The following TYRO3 variants were observed in gnomAD, a reference collection of about 807,000 sequenced individuals.
TYRO3 encodes tyrosine-protein kinase receptor TYRO3.
TYRO3 carries 38 observed loss-of-function variants against 95.2 expected under a neutral mutation model. The observed-to-expected ratio is 0.40, with a 90% confidence interval of 0.31 to 0.52. The LOEUF is 0.52. Ranked by LOEUF, TYRO3 falls within the 20% of genes least tolerant of loss-of-function variation. The pLI is 0.56. For synonymous variants in TYRO3, 367 were observed against 432.9 expected, an observed-to-expected ratio of 0.85 and a Z score of 1.89; for missense variants, 812 against 1,116.4, an observed-to-expected ratio of 0.73 and a Z score of 3.89.
rs139291400 is a variant in TYRO3, at chr15:41,569,016, C to T, written c.1246C>T (p.Arg416Cys). ...SQPLVVSSHD[R>C]AGQQGPPHSR... is the part of the protein sequence containing the mutation. The stretch of plus-strand genomic sequence containing the variant: ...GCCACTGGTGGTCTCTTCTCATGAC[C>T]GTGCAGGTGAGGCTTGTAGGTGGAG... Residue 416 changes from arginine (R) to cysteine (C), a missense_variant, in exon 9 of 19, where the codon CGT becomes TGT. Coordinates refer to ENST00000263798, the MANE Select transcript of TYRO3 (RefSeq NM_006293.4). 850 of 1,613,806 alleles carry T rather than the reference C, an allele frequency of 5.3e-4. No homozygotes were observed. Among genetic ancestry groups the T allele is most frequent in the Non-Finnish European group, 6.4e-4 (750 of 1,180,010 alleles).
intron 7 of TYRO3, 68 bp from the exon 8 acceptor site, chr15:41,568,149 A>G (rs987010664): frequency 3.8e-6 from 6 of 1,592,686 alleles, no homozygotes; most frequent in Non-Finnish European, 5.1e-6. Flanking sequence ...GTTGATTCCA[A>G]AGGTCTGCAT....
chr15:41,577,063 G>A (rs961526072), intron 18 of TYRO3, among the ~76,000 whole-genome samples: 3 of 152,184 alleles, frequency 2.0e-5, no homozygotes, highest in South Asian at 4.2e-4. Flanking sequence ...CACTTTCCAC[G>A]TGTGTGACTT....
intron 4 of TYRO3, 144 bp downstream of exon 4, chr15:41,562,862 C>CT (rs1373048102): frequency 4.8e-6 from 4 of 828,278 alleles, no homozygotes; most frequent in Non-Finnish European, 7.4e-6. Context: ...TGCACCATTA[C>CT]TAAGCTCATT....
In TYRO3 at chr15:41,568,970, T is replaced by C; in HGVS notation, c.1200T>C (p.Val400=). Residue 400 remains valine, a synonymous_variant, in exon 9 of 19, where the codon GTT becomes GTC. Coordinates refer to ENST00000263798, the MANE Select transcript of TYRO3 (RefSeq NM_006293.4). ...LIVRVCVSNA[V]GCGPWSQPLV... ...TACGTGTGTGCGTCTCCAATGCAGT[T>C]GGCTGTGGACCCTGGAGTCAGCCAC... The C allele has an allele frequency of 6.2e-7, 1 of 1,614,148 alleles. No homozygotes were observed. Among genetic ancestry groups the C allele is most frequent in the East Asian group, 2.2e-5 (1 of 44,882 alleles).
At chr15:41,563,024 A>C (rs528849725) in intron 4 of TYRO3, among the ~76,000 whole-genome samples, 137 of 152,144 alleles carry the variant, frequency 9.0e-4, no homozygotes, top group African/African-American at 3.2e-3. Flanking sequence ...AGGGGCACCC[A>C]TCCCCCACCC....
At chr15:41,559,568 C>A (rs141669463) in intron 1 of TYRO3, among the ~76,000 whole-genome samples, 187 bp downstream of exon 1, 1 of 152,178 alleles carries the variant, frequency 6.6e-6, no homozygotes, top group Non-Finnish European at 1.5e-5. Flanking sequence ...CGGGCCCCCA[C>A]CCCCAACTTT....
chr15:41,560,427 G>GTA (rs758261624), intron 1 of TYRO3, among the ~76,000 whole-genome samples: 2 of 141,848 alleles, frequency 1.4e-5, no homozygotes, highest in East Asian at 3.9e-4. Flanking sequence ...GTGTGTGTGT[G>GTA]TGCGCGCGCG....
At chr15:41,560,428 T>TGTGTGTGCGTGTGCGCGC (rs1408766845) in intron 1 of TYRO3, among the ~76,000 whole-genome samples, 1 of 135,256 alleles carries the variant, frequency 7.4e-6, no homozygotes, top group African/African-American at 3.0e-5. Context: ...TGTGTGTGTG[T>TGTGTGTGCGTGTGCGCGC]GCGCGCGCGC....
intron 15 of TYRO3, 147 bp downstream of exon 15, chr15:41,572,711 T>A: frequency 9.2e-7 from 1 of 1,088,344 alleles, no homozygotes; most frequent in Non-Finnish European, 1.3e-6. Flanking sequence ...TGAATCCTTT[T>A]AATCTAGCAG....
At chr15:41,562,931 T>C (rs1483971821) in intron 4 of TYRO3, among the ~76,000 whole-genome samples, 2 of 152,124 alleles carry the variant, frequency 1.3e-5, no homozygotes, top group Non-Finnish European at 2.9e-5. Flanking sequence ...CTGTGTGTGC[T>C]TAAGGAGGGT....
At position 41,583,012 on chromosome 15, in the gene TYRO3, TAA is replaced by T. The variant is rs2055938517; in HGVS notation, c.*4737_*4738del. On this transcript the variant is annotated 3_prime_UTR_variant, in exon 19 of 19. Coordinates refer to ENST00000263798, the MANE Select transcript of TYRO3 (RefSeq NM_006293.4). The stretch of plus-strand genomic sequence containing the variant: ...ATTTTTAAGTGTTTTTTTTTTTTTT[TAA>T]TACAGAGCCTTGCTCTGTCGCCCAG... The T allele has an allele frequency of 1.4e-5, 2 of 145,276 alleles. No homozygotes were observed. Among genetic ancestry groups the T allele is most frequent in the Non-Finnish European group, 3.0e-5 (2 of 66,070 alleles). 9.0% of individuals were successfully genotyped at this position (145,276 alleles called of 1,614,324 possible).
chr15:41,566,067 C>T (rs933816343), intron 6 of TYRO3, among the ~76,000 whole-genome samples: 1 of 152,136 alleles, frequency 6.6e-6, no homozygotes, highest in African/African-American at 2.4e-5. Flanking sequence ...AATCCCAGCA[C>T]TTTGGGAGGT....
At position 41,571,121 on chromosome 15, in the gene TYRO3, G is replaced by A; in HGVS notation, c.1660+3G>A. The A allele has an allele frequency of 6.2e-7, 1 of 1,608,632 alleles. No individual in the cohort carries two copies. Among genetic ancestry groups the A allele is most frequent in the Non-Finnish European group, 8.5e-7 (1 of 1,175,090 alleles). ...AGTGGCTGTGAAGATGCTGAAAGGTGAGTGGGGGATAGCTGTAGCCTGAGG... is the reference window on the plus strand; with the variant it reads ...AGTGGCTGTGAAGATGCTGAAAGGTAAGTGGGGGATAGCTGTAGCCTGAGG... On this transcript the variant is annotated splice_donor_region_variant and intron_variant, in intron 13 of 18. Coordinates refer to ENST00000263798, the MANE Select transcript of TYRO3 (RefSeq NM_006293.4).
chr15:41,573,276 A>G (rs2055820919), intron 16 of TYRO3, 32 bp from the exon 17 acceptor site: 1 of 1,613,056 alleles, frequency 6.2e-7, no homozygotes, highest in Admixed American at 1.7e-5. Context: ...GCATGGCAGA[A>G]GGCTGACTCT....
At chr15:41,570,491 G>A (rs2305032) in intron 11 of TYRO3, 113 bp from the exon 12 acceptor site, 115,935 of 1,389,834 alleles carry the variant, frequency 0.083, 5,341 homozygotes, top group East Asian at 0.16. Flanking sequence ...CACCCCAGCC[G>A]TGGGAGACCT....
At chr15:41,560,975 C>T in intron 1 of TYRO3, 152 bp from the exon 2 acceptor site, 11 of 912,002 alleles carry the variant, frequency 1.2e-5, no homozygotes, top group Non-Finnish European at 1.8e-5. Context: ...CAGCGACCTT[C>T]CCTTCCACAC....
Position 41,568,240 on chromosome 15 carries a change from C to T in TYRO3, c.985C>T (p.Leu329Phe). Reference protein sequence around the residue: ...GLAPASAPQNLHAIRTDSGLI... With the variant: ...GLAPASAPQNFHAIRTDSGLI... ...AGCCCCAGCCAGCGCTCCCCAAAACCTCCATGCCATCCGCACAGATTCAGG... is the reference window on the plus strand; with the variant it reads ...AGCCCCAGCCAGCGCTCCCCAAAACTTCCATGCCATCCGCACAGATTCAGG... Residue 329 changes from leucine (L) to phenylalanine (F), a missense_variant, in exon 8 of 19, where the codon CTC (leucine) becomes TTC (phenylalanine). Transcript: ENST00000263798. 6.2e-7 allele frequency: 1 copy of T among 1,612,666 alleles called. No individual in the cohort carries two copies. Among genetic ancestry groups the T allele is most frequent in the Non-Finnish European group, 8.5e-7 (1 of 1,179,960 alleles).
At chr15:41,568,581 G>A (rs947955141) in intron 8 of TYRO3, among the ~76,000 whole-genome samples, 2 of 152,136 alleles carry the variant, frequency 1.3e-5, no homozygotes, top group African/African-American at 4.8e-5. Flanking sequence ...AATAAAGCAG[G>A]AAGCACATTC....
rs778964880 is a variant in TYRO3 at position 41,571,587 on chromosome 15, TCTC to T, written c.1661-5_1661-3del. On this transcript the variant is annotated splice_polypyrimidine_tract_variant and splice_region_variant and intron_variant, in intron 13 of 18. Transcript: ENST00000263798. ...TTTATTTCCTCCTTCCCCATCCCCT[TCTC>T]CTAGCTGACATCATTGCCTCAAGCG... 2 of 1,176,430 alleles carry T rather than the reference TCTC, an allele frequency of 1.7e-6. No homozygotes were observed. The highest frequency in any genetic ancestry group is 1.8e-5 in the Admixed American group (1 of 54,362). The allele number at this position is 1,176,430 out of a possible 1,614,324, so 72.9% of individuals were successfully genotyped here. A position where few individuals can be genotyped will look rare whatever the true frequency, so the allele number is the denominator to read the frequency against.
Sources: allele counts gnomAD v4.1 joint callset (sites outside exome capture counted in the v4.1 genomes callset), GRCh38; gene constraint gnomAD v4.1.1; transcripts MANE v1.5; gene names NCBI Gene and HGNC (gene_info 2026-07-23, HGNC 2026-07-21).